The following RBFOX1 variants were observed in gnomAD, a reference collection of about 807,000 sequenced individuals.
The protein encoded by RBFOX1 is RNA binding fox-1 homolog 1, also known as RNA binding protein fox-1 homolog 1.
Under a neutral mutation model 57.7 loss-of-function variants are expected in RBFOX1, and 8 were observed. The observed-to-expected ratio is 0.14, with a 90% CI of 0.08 to 0.25. The LOEUF (loss-of-function observed/expected upper bound fraction) is 0.25, where lower values mean the gene tolerates loss of function less well. Ranked by LOEUF, RBFOX1 falls within the 10% of genes least tolerant of loss-of-function variation. The pLI is 1.00. For synonymous variants in RBFOX1, 326 were observed against 222.4 expected, an observed-to-expected ratio of 1.47 and a Z score of -4.15; for missense variants, 611 against 548.5, an observed-to-expected ratio of 1.11 and a Z score of -1.14.
At chr16:5,852,570 C>A (rs1040051576) in intron 3 of RBFOX1, among the ~76,000 whole-genome samples, 7 of 152,060 alleles carry the variant, frequency 4.6e-5, no homozygotes, top group African/African-American at 7.3e-5. Context: ...GGGCAAGGCA[C>A]GATTCTGCAG....
At chr16:6,231,135 T>A (rs574898032) in intron 1 of RBFOX1, among the ~76,000 whole-genome samples, 1 of 152,082 alleles carries the variant, frequency 6.6e-6, no homozygotes, top group African/African-American at 2.4e-5. Flanking sequence ...TAAGCTGAAA[T>A]CTGAATGTTG....
At chr16:6,773,467 GTA>G (rs1298189608) in intron 3 of RBFOX1, among the ~76,000 whole-genome samples, 1 of 147,412 alleles carries the variant, frequency 6.8e-6, no homozygotes, top group Non-Finnish European at 1.5e-5. Context: ...AATTGTGTGT[GTA>G]TGTGTGGGTG....
intron 2 of RBFOX1, among the ~76,000 whole-genome samples, chr16:6,370,841 A>G (rs1169499133): frequency 6.6e-6 from 1 of 152,222 alleles, no homozygotes; most frequent in Non-Finnish European, 1.5e-5. Flanking sequence ...GTTTTATGTA[A>G]TGTATATTTT....
chr16:5,296,823 C>G (rs576546412), intron 1 of RBFOX1, among the ~76,000 whole-genome samples: 1 of 152,076 alleles, frequency 6.6e-6, no homozygotes, highest in African/African-American at 2.4e-5. Flanking sequence ...GGATTACAGG[C>G]ACGCACCACC....
chr16:6,833,426 C>G lies in RBFOX1; in HGVS notation c.-16+178776C>G, dbSNP rs534715350. 2.0e-5 allele frequency among the ~76,000 whole-genome samples: 3 copies of G among 152,260 alleles called. No individual in the cohort carries two copies. In the South Asian group the frequency reaches 6.2e-4, roughly 32 times the overall value. On this transcript the variant is annotated intron_variant, in intron 3 of 15. Transcript: ENST00000550418. ...AGGTGATCAACCTGCCTCGGCTTCCCAAAGTGTTGGGGTTACAGGTGTGAA... is the reference window on the plus strand; with the variant it reads ...AGGTGATCAACCTGCCTCGGCTTCCGAAAGTGTTGGGGTTACAGGTGTGAA...
At chr16:6,068,234 A>C (rs959224226) in intron 1 of RBFOX1, among the ~76,000 whole-genome samples, 10 of 152,180 alleles carry the variant, frequency 6.6e-5, no homozygotes, top group African/African-American at 2.4e-4. Flanking sequence ...GCTCCCTGGC[A>C]GCTTGGGAAA....
intron 3 of RBFOX1, among the ~76,000 whole-genome samples, chr16:6,892,581 G>T (rs1376696691): frequency 6.6e-6 from 1 of 152,084 alleles, no homozygotes; most frequent in Non-Finnish European, 1.5e-5. Context: ...GAGGCAGAAG[G>T]ATCACTTGAA....
chr16:6,331,477 T>A (rs2083018879), intron 2 of RBFOX1, among the ~76,000 whole-genome samples: 1 of 151,702 alleles, frequency 6.6e-6, no homozygotes, highest in African/African-American at 2.4e-5. Context: ...TGGCTTAGAA[T>A]AGGGGTGAGT....
At chr16:7,009,222 C>G (rs534772223) in intron 3 of RBFOX1, among the ~76,000 whole-genome samples, 1 of 135,350 alleles carries the variant, frequency 7.4e-6, no homozygotes, top group Admixed American at 8.3e-5. Context: ...CTCTGTCCCT[C>G]TTTCTTTTTT....
intron 1 of RBFOX1, among the ~76,000 whole-genome samples, chr16:6,136,282 G>T (rs1301505553): frequency 6.6e-6 from 1 of 152,086 alleles, no homozygotes; most frequent in East Asian, 1.9e-4. Context: ...TACCATGCTG[G>T]CTCCCCTTGG....
chr16:6,591,223 A>G (rs1388040074), intron 2 of RBFOX1, among the ~76,000 whole-genome samples: 1 of 152,150 alleles, frequency 6.6e-6, no homozygotes, highest in African/African-American at 2.4e-5. Flanking sequence ...AGGAGGGTGG[A>G]TCACTTGAGG....
chr16:6,434,012 T>A (rs2094169327), intron 2 of RBFOX1, among the ~76,000 whole-genome samples: 1 of 151,968 alleles, frequency 6.6e-6, no homozygotes, highest in African/African-American at 2.4e-5. Flanking sequence ...CAAACCTGGC[T>A]AATTTATGTA....
intron 2 of RBFOX1, among the ~76,000 whole-genome samples, chr16:6,511,587 T>A (rs899922186): frequency 6.6e-5 from 10 of 152,200 alleles, no homozygotes; most frequent in African/African-American, 2.4e-4. Context: ...CCATTGTGAA[T>A]AGTCCTCATA....
chr16:6,481,007 C>A (rs141349803), intron 2 of RBFOX1, among the ~76,000 whole-genome samples: 1 of 152,294 alleles, frequency 6.6e-6, no homozygotes, highest in African/African-American at 2.4e-5. Context: ...CCAAACATAT[C>A]CACAAATGTA....
intron 3 of RBFOX1, among the ~76,000 whole-genome samples, chr16:7,010,224 C>G (rs1431583085): frequency 2.0e-5 from 3 of 152,220 alleles, no homozygotes; most frequent in Admixed American, 1.3e-4. Flanking sequence ...TCCTGAAGCT[C>G]AAATACACAG....
chr16:5,530,368 A>G (rs984251897), intron 2 of RBFOX1, among the ~76,000 whole-genome samples: 1 of 152,180 alleles, frequency 6.6e-6, no homozygotes, highest in Non-Finnish European at 1.5e-5. Context: ...TTAAGGATAC[A>G]GAATCAGGGT....
intron 4 of RBFOX1, among the ~76,000 whole-genome samples, chr16:7,086,880 G>C (rs2060074146): frequency 6.6e-6 from 1 of 152,146 alleles, no homozygotes; most frequent in South Asian, 2.1e-4. Flanking sequence ...TTTTGCTTTT[G>C]ATTTGCTGAA....
intron 4 of RBFOX1, among the ~76,000 whole-genome samples, chr16:7,369,063 G>A (rs902887779): frequency 3.9e-5 from 6 of 151,922 alleles, no homozygotes; most frequent in African/African-American, 1.2e-4. Context: ...GGTAGAAGTC[G>A]TAATGAAGGT....
rs79826200 is a variant in RBFOX1 at position 6,887,184 on chromosome 16, C to T, written c.-15-164873C>T. On this transcript the variant is annotated intron_variant, in intron 3 of 15. Coordinates refer to ENST00000550418, the MANE Select transcript of RBFOX1 (RefSeq NM_018723.4). ...TTGTTATTGTTGGTATACTCTTTAG[C>T]ACTTCTTCCTCCTCTATCTCTAATT... Among the ~76,000 whole-genome samples the T allele has an allele frequency of 9.8e-3, 1,491 of 152,282 alleles. 26 individuals carry two copies. Among genetic ancestry groups the T allele is most frequent in the African/African-American group, 0.034 (1,406 of 41,542 alleles).
Sources: allele counts gnomAD v4.1 joint callset (sites outside exome capture counted in the v4.1 genomes callset), GRCh38; gene constraint gnomAD v4.1.1; transcripts MANE v1.5; gene names NCBI Gene and HGNC (gene_info 2026-07-23, HGNC 2026-07-21).